Variants in FOXN3 observed in about 807,000 individuals in gnomAD.
FOXN3 encodes the protein forkhead box protein N3.
FOXN3 carries 7 observed loss-of-function variants against 38.4 expected under a neutral mutation model. The observed-to-expected ratio is 0.18, with a 90% CI of 0.10 to 0.34. FOXN3 has a LOEUF of 0.34. FOXN3 is among the 10% of genes least tolerant of loss of function. The probability of loss-of-function intolerance (pLI) is 1.00; values close to 1 mark genes in which losing one functional copy is unlikely to be tolerated. For missense variants in FOXN3, 456 were observed against 613.4 expected (o/e 0.74, Z 2.71); for synonymous variants, 230 against 242.2 (o/e 0.95, Z 0.47).
chr14:89,367,066 T>C (rs960397053), intron 2 of FOXN3, among the ~76,000 whole-genome samples: 14 of 152,234 alleles, frequency 9.2e-5, no homozygotes, highest in African/African-American at 3.4e-4. Context: ...TAAATAATCA[T>C]GAGCCCTTCT....
chr14:89,324,738 G>A (rs1174182215), intron 3 of FOXN3, among the ~76,000 whole-genome samples: 8 of 152,118 alleles, frequency 5.3e-5, no homozygotes, highest in African/African-American at 1.4e-4. Flanking sequence ...CAGCTGAGAA[G>A]GCAAAGAAGA....
At position 89,278,455 on chromosome 14, in the gene FOXN3, G is replaced by A. The variant is rs1886364964; in HGVS notation, c.745+2495C>T. ...ATCCTGCATTATTGAGTCCTGGGGA[G>A]ACCACTCCATGAAGCAAGTTATCCC... On this transcript the variant is annotated intron_variant, in intron 4 of 5. Coordinates refer to ENST00000557258, the MANE Select transcript of FOXN3 (RefSeq NM_005197.4). Among the ~76,000 whole-genome samples, 3 of 152,166 alleles carry A rather than the reference G, an allele frequency of 2.0e-5. No individual in the cohort carries two copies. In the South Asian group the frequency reaches 6.2e-4, roughly 32 times the overall value.
chr14:89,492,885 C>T (rs768073703), intron 1 of FOXN3, among the ~76,000 whole-genome samples: 71 of 152,302 alleles, frequency 4.7e-4, no homozygotes, highest in South Asian at 3.1e-3. Flanking sequence ...GTGGTACATT[C>T]CAGGGTTCAA....
At chr14:89,337,266 C>A (rs1334052009) in intron 3 of FOXN3, among the ~76,000 whole-genome samples, 1 of 151,984 alleles carries the variant, frequency 6.6e-6, no homozygotes, top group Non-Finnish European at 1.5e-5. Context: ...GATCAAAGTG[C>A]GACAGGGAGA....
At chr14:89,294,291 G>A (rs540220564) in intron 3 of FOXN3, among the ~76,000 whole-genome samples, 1 of 152,314 alleles carries the variant, frequency 6.6e-6, no homozygotes, top group South Asian at 2.1e-4. Flanking sequence ...GCTTGCCAAC[G>A]TGGAGAGGTG....
At chr14:89,557,291 T>A (rs1895146510) in intron 1 of FOXN3, among the ~76,000 whole-genome samples, 1 of 152,190 alleles carries the variant, frequency 6.6e-6, no homozygotes, top group Non-Finnish European at 1.5e-5. Context: ...AGAAAAAGTC[T>A]TCTCCCAATT....
intron 1 of FOXN3, among the ~76,000 whole-genome samples, chr14:89,552,488 T>C (rs1422448128): frequency 6.6e-6 from 1 of 152,226 alleles, no homozygotes; most frequent in Non-Finnish European, 1.5e-5. Context: ...CTAAATTGTC[T>C]ATGTACACAA....
At chr14:89,193,903 T>C (rs1308489607) in intron 4 of FOXN3, among the ~76,000 whole-genome samples, 1 of 152,194 alleles carries the variant, frequency 6.6e-6, no homozygotes, top group Non-Finnish European at 1.5e-5. Flanking sequence ...TATATAGTAA[T>C]ATTTCACTGG....
intron 4 of FOXN3, among the ~76,000 whole-genome samples, chr14:89,196,560 T>C (rs1192215876): frequency 2.0e-5 from 3 of 152,190 alleles, no homozygotes; most frequent in African/African-American, 7.2e-5. Context: ...CCTTTGTGAC[T>C]TGTGGCTGCC....
chr14:89,340,150 T>A (rs1888576416), intron 3 of FOXN3, among the ~76,000 whole-genome samples: 5 of 152,180 alleles, frequency 3.3e-5, no homozygotes, highest in Admixed American at 3.3e-4. Context: ...AATTTGGTAA[T>A]GTTTTTTCCC....
intron 4 of FOXN3, among the ~76,000 whole-genome samples, chr14:89,239,009 T>C (rs1885063819): frequency 6.6e-6 from 1 of 152,070 alleles, no homozygotes; most frequent in Non-Finnish European, 1.5e-5. Flanking sequence ...AAATGAACAA[T>C]TATATACTAA....
chr14:89,496,155 G>GTGAGC (rs755579483), intron 1 of FOXN3, among the ~76,000 whole-genome samples: 4 of 152,190 alleles, frequency 2.6e-5, no homozygotes, highest in Non-Finnish European at 4.4e-5. Flanking sequence ...GGAGGTTGCA[G>GTGAGC]TGAGCTGAGA....
chr14:89,375,040 T>C (rs1369157389), intron 2 of FOXN3, among the ~76,000 whole-genome samples: 9 of 151,030 alleles, frequency 6.0e-5, no homozygotes, highest in African/African-American at 1.2e-4. Context: ...AGAAAAAAAC[T>C]AATCTACAGG....
chr14:89,471,515 C>G (rs1247220420), intron 1 of FOXN3, among the ~76,000 whole-genome samples: 2 of 151,986 alleles, frequency 1.3e-5, no homozygotes, highest in Non-Finnish European at 2.9e-5. Flanking sequence ...GCCTAGGAGG[C>G]TGAGGTTGCA....
chr14:89,397,415 T>G lies in FOXN3; in HGVS notation c.543+14519A>C, dbSNP rs568003866. On this transcript the variant is annotated intron_variant, in intron 2 of 5. Transcript: ENST00000557258. ...TTTATCTATATAACAAACCTGCACA[T>G]GTACCCCCAAACCTAAAATAAAAGT... Among the ~76,000 whole-genome samples the G allele has an allele frequency of 5.6e-5, 8 of 143,590 alleles. No individual in the cohort carries two copies. In the East Asian group the frequency reaches 1.6e-3, roughly 29 times the overall value. 94.2% of individuals were successfully genotyped at this position (143,590 alleles called of 152,430 possible).
At chr14:89,175,148 T>G (rs113872108) in intron 5 of FOXN3, among the ~76,000 whole-genome samples, 2 of 152,208 alleles carry the variant, frequency 1.3e-5, no homozygotes, top group African/African-American at 4.8e-5. Context: ...ACCTTAAGAA[T>G]TAATGTTTGC....
At chr14:89,437,877 T>A (rs1310459818) in intron 1 of FOXN3, among the ~76,000 whole-genome samples, 1 of 152,214 alleles carries the variant, frequency 6.6e-6, no homozygotes, top group Admixed American at 6.5e-5. Flanking sequence ...ACTAGAACCC[T>A]TTATCTGCAA....
rs1384131717 is a variant in FOXN3 at position 89,417,172 on chromosome 14, G to C, written c.-316C>G. On this transcript the variant is annotated 5_prime_UTR_variant, in exon 1 of 6. Transcript: ENST00000557258. ...CCGCTCGCCTCCGCCGCGGCGCGTC[G>C]GGCCGGGGCGCGCCGAGCGGCGAGA... is the stretch of plus-strand genomic sequence containing the variant. 1 of 145,360 alleles carries C rather than the reference G, an allele frequency of 6.9e-6. No homozygotes were observed. The highest frequency in any genetic ancestry group is 1.5e-5 in the Non-Finnish European group (1 of 65,420). The allele number at this position is 145,360 out of a possible 1,614,324, so 9.0% of individuals were successfully genotyped here.
chr14:89,506,062 A>C, intron 1 of FOXN3, among the ~76,000 whole-genome samples: 1 of 100,714 alleles, frequency 9.9e-6, no homozygotes, highest in African/African-American at 3.7e-5. Flanking sequence ...CCCCGTCCAG[A>C]AGGGAGGTGG....
Sources: allele counts gnomAD v4.1 joint callset (sites outside exome capture counted in the v4.1 genomes callset), GRCh38; gene constraint gnomAD v4.1.1; transcripts MANE v1.5; gene names NCBI Gene and HGNC (gene_info 2026-07-23, HGNC 2026-07-21).